ARNT: variants seen among roughly 807,000 people sequenced by gnomAD.
ARNT encodes aryl hydrocarbon receptor nuclear translocator.
In ARNT, 30 loss-of-function variants were observed where a neutral mutation model predicts 105.0. That is an observed-to-expected ratio of 0.29 (90% CI 0.21 to 0.39). ARNT has a LOEUF of 0.39. Among genes scored for constraint, ARNT ranks in the 10% least tolerant of loss-of-function variants. The pLI, the probability that ARNT is intolerant of heterozygous loss-of-function variation, is 1.00. For missense variants in ARNT, 748 were observed against 978.7 expected (o/e 0.76, Z 3.15); for synonymous variants, 304 against 344.0 (o/e 0.88, Z 1.29).
intron 9 of ARNT, 116 bp downstream of exon 9, chr1:150,832,218 G>T: frequency 9.6e-7 from 1 of 1,045,264 alleles, no homozygotes; most frequent in Non-Finnish European, 1.5e-6. Context: ...TTAAGTGGGA[G>T]GTAAGGGATG....
At chr1:150,819,704 G>A (rs966273230) in intron 14 of ARNT, among the ~76,000 whole-genome samples, 5 of 152,128 alleles carry the variant, frequency 3.3e-5, no homozygotes, top group Non-Finnish European at 5.9e-5. Context: ...CCATTTATAC[G>A]AAAAGTCTAG....
intron 5 of ARNT, among the ~76,000 whole-genome samples, chr1:150,841,903 A>G (rs2101986565): frequency 6.6e-6 from 1 of 152,344 alleles, no homozygotes; most frequent in Non-Finnish European, 1.5e-5. Flanking sequence ...TTTTCTAGAA[A>G]ACTACCGCAA....
In ARNT at chr1:150,836,465, G is replaced by T. The variant is rs1244370484; in HGVS notation, c.515C>A (p.Ala172Glu). 2 of 1,614,112 alleles carry T rather than the reference G, an allele frequency of 1.2e-6. No homozygotes were observed. The highest frequency in any genetic ancestry group is 1.7e-6 in the Non-Finnish European group (2 of 1,180,006). ...QELKHLILEA[A>E]DGFLFIVSCE... ...TGAGACAATAAACAGAAAGCCATCT[G>T]CTGCCTCCAAGATCAAATGTTTCAG... The change falls in exon 7 of 22, where the codon GCA (alanine) becomes GAA (glutamate). Residue 172 changes from alanine (A) to glutamate (E), a missense_variant. By Grantham distance (107) the Ala-to-Glu change is moderately radical (BLOSUM62 -1). This residue lies in a region of ARNT where 291 missense variants were observed against 444.6 expected (regional missense o/e 0.65). Coordinates refer to ENST00000358595, the MANE Select transcript of ARNT (RefSeq NM_001668.4).
intron 18 of ARNT, 118 bp downstream of exon 18, chr1:150,816,670 C>A: frequency 8.0e-7 from 1 of 1,253,426 alleles, no homozygotes. Flanking sequence ...ACGCTAGGCC[C>A]TACAAGCTTC....
At chr1:150,829,820 A>G in intron 11 of ARNT, 84 bp downstream of exon 11, 2 of 1,427,846 alleles carry the variant, frequency 1.4e-6, no homozygotes, top group Non-Finnish European at 2.0e-6. Context: ...TTGTATTCAG[A>G]AAGTAAAAGA....
chr1:150,863,626 C>T (rs1666045188), intron 1 of ARNT, among the ~76,000 whole-genome samples: 2 of 151,392 alleles, frequency 1.3e-5, no homozygotes, highest in African/African-American at 2.4e-5. Context: ...GTCAGGAGTT[C>T]GAGACCAGCC....
At chr1:150,829,001 GAT>G in intron 12 of ARNT, 90 bp downstream of exon 12, 1 of 1,427,888 alleles carries the variant, frequency 7.0e-7, no homozygotes, top group Non-Finnish European at 9.5e-7. Flanking sequence ...AACTGAGGTT[GAT>G]ATGTTTTGGC....
intron 1 of ARNT, among the ~76,000 whole-genome samples, chr1:150,866,888 A>C (rs1337043709): frequency 1.3e-5 from 2 of 152,198 alleles, no homozygotes; most frequent in African/African-American, 4.8e-5. Flanking sequence ...TGGTGAGTAC[A>C]TACATATATA....
At chr1:150,849,930 T>C (rs1663006988) in intron 3 of ARNT, among the ~76,000 whole-genome samples, 2 of 151,906 alleles carry the variant, frequency 1.3e-5, no homozygotes, top group East Asian at 3.9e-4. Flanking sequence ...CCAGGTGTGG[T>C]AGTCCCAGCT....
At chr1:150,868,072 T>C (rs892700574) in intron 1 of ARNT, among the ~76,000 whole-genome samples, 3 of 151,922 alleles carry the variant, frequency 2.0e-5, no homozygotes, top group African/African-American at 4.8e-5. Flanking sequence ...CAAGTGAATG[T>C]CAAATTGAAG....
intron 10 of ARNT, 78 bp from the exon 11 acceptor site, chr1:150,830,058 C>A: frequency 6.6e-7 from 1 of 1,504,246 alleles, no homozygotes; most frequent in South Asian, 1.2e-5. Context: ...AGTAAAGATT[C>A]AAAATAGACC....
chr1:150,841,326 A>AT, intron 5 of ARNT, among the ~76,000 whole-genome samples: 1 of 152,080 alleles, frequency 6.6e-6, no homozygotes, highest in Admixed American at 6.6e-5. Flanking sequence ...CAAAAAAAAA[A>AT]GAAAGTAAGA....
chr1:150,874,018 T>TAAAAAAA (rs58707975), intron 1 of ARNT, among the ~76,000 whole-genome samples: 2 of 64,414 alleles, frequency 3.1e-5, no homozygotes, highest in Non-Finnish European at 6.0e-5. Context: ...ACAAGAATTG[T>TAAAAAAA]AAAAAAAAAA....
rs1489486994 is a variant in ARNT at position 150,839,899 on chromosome 1, A to C, written c.273-245T>G. ...ATTCCCTTCCCCCTATTTCCTGGAA[A>C]CTTCACATCCTTTGTAAATTACCAC... On this transcript the variant is annotated intron_variant, in intron 5 of 21. Transcript: ENST00000358595. Among the ~76,000 whole-genome samples the C allele has an allele frequency of 2.6e-5, 4 of 152,174 alleles. No individual in the cohort carries two copies. The East Asian group carries it at 7.7e-4, about 29-fold the overall frequency.
chr1:150,857,059 C>T (rs1032994433), intron 2 of ARNT, among the ~76,000 whole-genome samples: 3 of 152,136 alleles, frequency 2.0e-5, no homozygotes, highest in African/African-American at 7.2e-5. Context: ...ACAAAAGAAA[C>T]CGTAAGTCAC....
chr1:150,869,037 G>C (rs1331082766), intron 1 of ARNT, among the ~76,000 whole-genome samples: 2 of 152,090 alleles, frequency 1.3e-5, no homozygotes, highest in Non-Finnish European at 2.9e-5. Context: ...TGAGGAGTGA[G>C]AATCGCTTGA....
chr1:150,824,927 T>C (rs750794396), intron 13 of ARNT, among the ~76,000 whole-genome samples: 7 of 152,158 alleles, frequency 4.6e-5, no homozygotes, highest in Non-Finnish European at 1.0e-4. Context: ...AGTGGGGCAA[T>C]CTTGGGTCAC....
At chr1:150,841,035 G>C (rs993969393) in intron 5 of ARNT, among the ~76,000 whole-genome samples, 1 of 132,998 alleles carries the variant, frequency 7.5e-6, no homozygotes, top group Non-Finnish European at 1.5e-5. Flanking sequence ...TGCAACCTCC[G>C]CCTTCTGGGT....
chr1:150,824,442 GTTTTCTTTTCT>G (rs1165288537), intron 13 of ARNT, among the ~76,000 whole-genome samples: 3 of 148,952 alleles, frequency 2.0e-5, no homozygotes, highest in Admixed American at 2.0e-4. Context: ...GAGAACATCT[GTTTTCTTTTCT>G]TTTTCTTTTT....
Sources: gnomAD v4.1 joint callset for allele counts (sites outside exome capture counted in the v4.1 genomes callset) on GRCh38, gnomAD v4.1.1 for gene constraint, gnomAD v4.1.1 regional missense constraint, MANE v1.5 for transcripts, NCBI Gene and HGNC (gene_info 2026-07-23, HGNC 2026-07-21) for gene names.